TBX15: variants seen among roughly 807,000 people sequenced by gnomAD.
The protein encoded by TBX15 is T-box transcription factor TBX15.
Under a neutral mutation model 53.9 loss-of-function variants are expected in TBX15, and 18 were observed. The observed-to-expected ratio is 0.33, with a 90% CI of 0.23 to 0.49. The LOEUF (loss-of-function observed/expected upper bound fraction) is 0.49. Ranked by LOEUF, TBX15 falls within the 20% of genes least tolerant of loss-of-function variation. The pLI is 0.98. For synonymous variants in TBX15, 295 were observed against 278.0 expected, an observed-to-expected ratio of 1.06 and a Z score of -0.61; for missense variants, 692 against 749.5, an observed-to-expected ratio of 0.92 and a Z score of 0.90.
At chr1:118,943,483 T>C (rs971973261) in intron 1 of TBX15, among the ~76,000 whole-genome samples, 2 of 152,130 alleles carry the variant, frequency 1.3e-5, no homozygotes, top group African/African-American at 4.8e-5. Flanking sequence ...TGGTCCATAA[T>C]GGCTGGCACA....
chr1:118,932,263 C>T (rs1459967325), intron 1 of TBX15, among the ~76,000 whole-genome samples: 1 of 152,190 alleles, frequency 6.6e-6, no homozygotes, highest in Non-Finnish European at 1.5e-5. Context: ...AGATTCAGTG[C>T]AAACATTATG....
chr1:118,964,103 C>T (rs1305144288), intron 1 of TBX15, among the ~76,000 whole-genome samples: 2 of 152,178 alleles, frequency 1.3e-5, no homozygotes, highest in Non-Finnish European at 2.9e-5. Context: ...GAATCAGGAG[C>T]AAATGAAATG....
intron 1 of TBX15, among the ~76,000 whole-genome samples, chr1:118,974,778 G>A (rs1026650192): frequency 6.6e-6 from 1 of 152,094 alleles, no homozygotes. Flanking sequence ...AGAGGTTAAA[G>A]TTAAAACCTC....
intron 1 of TBX15, among the ~76,000 whole-genome samples, chr1:118,960,716 G>A (rs1656844199): frequency 6.6e-6 from 1 of 152,144 alleles, no homozygotes; most frequent in Non-Finnish European, 1.5e-5. Context: ...CAGGATCAGG[G>A]CTTCGTGTTC....
Position 118,964,384 on chromosome 1 carries a change from T to C in TBX15, c.205+23207A>G, listed in dbSNP as rs148206759. Among the ~76,000 whole-genome samples the C allele has an allele frequency of 2.1e-3, 313 of 152,368 alleles. 4 individuals are homozygous for C. The highest frequency in any genetic ancestry group is 7.3e-3 in the African/African-American group (303 of 41,590). ...ACTGACATTAATAGATCACTAATTG[T>C]TGGTGACTTTAATTCTTATGACAAA... On this transcript the variant is annotated intron_variant, in intron 1 of 7. Coordinates refer to ENST00000369429, the MANE Select transcript of TBX15 (RefSeq NM_001330677.2).
At chr1:118,894,974 A>G (rs1654372030) in intron 7 of TBX15, among the ~76,000 whole-genome samples, 1 of 152,110 alleles carries the variant, frequency 6.6e-6, no homozygotes, top group Non-Finnish European at 1.5e-5. Context: ...ATTATTCCTC[A>G]CCTCAGTGAT....
chr1:118,985,123 T>C (rs1657786411), intron 1 of TBX15, among the ~76,000 whole-genome samples: 2 of 152,000 alleles, frequency 1.3e-5, no homozygotes, highest in South Asian at 4.2e-4. Context: ...GTGTGTGTGT[T>C]TCATTCTTCC....
intron 1 of TBX15, among the ~76,000 whole-genome samples, chr1:118,941,689 T>C (rs543003977): frequency 2.6e-5 from 4 of 152,176 alleles, no homozygotes; most frequent in African/African-American, 4.8e-5. Context: ...GGGCACAAAA[T>C]TGAGTAAGAG....
At chr1:118,942,503 T>C (rs1656214659) in intron 1 of TBX15, among the ~76,000 whole-genome samples, 1 of 152,128 alleles carries the variant, frequency 6.6e-6, no homozygotes, top group Admixed American at 6.5e-5. Context: ...AGGAGACAAA[T>C]ATATCCCTAG....
At chr1:118,887,793 C>T (rs1045688281) in intron 7 of TBX15, among the ~76,000 whole-genome samples, 1 of 151,336 alleles carries the variant, frequency 6.6e-6, no homozygotes, top group Non-Finnish European at 1.5e-5. Flanking sequence ...CAAAGAGGAA[C>T]CGAAAGTTAA....
In TBX15 at chr1:118,931,798, G is replaced by C. The variant is rs200704054; in HGVS notation, c.240C>G (p.Val80=). The C allele has an allele frequency of 6.3e-7, 1 of 1,597,240 alleles. No individual in the cohort carries two copies. Among genetic ancestry groups the C allele is most frequent in the Admixed American group, 1.8e-5 (1 of 57,028 alleles). Residue 80 remains valine (V), a synonymous_variant, in exon 2 of 8, where the codon GTC becomes GTG. Coordinates refer to ENST00000369429, the MANE Select transcript of TBX15 (RefSeq NM_001330677.2). ...AGGAGCAGGAAGTCCGCTCAGTGAG[G>C]ACCTCAGAATCTGAACCAGTGCTCT... ...SEQSTGSDSE[V]LTERTSCSFS...
chr1:118,890,166 C>T (rs1376568654), intron 7 of TBX15, among the ~76,000 whole-genome samples: 1 of 152,170 alleles, frequency 6.6e-6, no homozygotes, highest in African/African-American at 2.4e-5. Context: ...CAGGTAGCAG[C>T]TAAGGCCCTA....
chr1:118,943,617 G>A (rs2101640610), intron 1 of TBX15, among the ~76,000 whole-genome samples: 1 of 152,340 alleles, frequency 6.6e-6, no homozygotes, highest in South Asian at 2.1e-4. Context: ...ACCTTGAACA[G>A]AGAAGCAGAG....
At chr1:118,954,467 T>C (rs1460345103) in intron 1 of TBX15, among the ~76,000 whole-genome samples, 1 of 152,210 alleles carries the variant, frequency 6.6e-6, no homozygotes, top group Non-Finnish European at 1.5e-5. Context: ...GAGAGTGGAT[T>C]ACATACAGCA....
At chr1:118,885,547 C>T in intron 7 of TBX15, 31 bp from the exon 8 acceptor site, 1 of 1,553,354 alleles carries the variant, frequency 6.4e-7, no homozygotes, top group African/African-American at 1.4e-5. Context: ...ACTATTGAGA[C>T]AGAGTCTTTT....
chr1:118,917,264 G>A (rs1655269228), intron 5 of TBX15, among the ~76,000 whole-genome samples: 1 of 152,120 alleles, frequency 6.6e-6, no homozygotes, highest in Admixed American at 6.6e-5. Flanking sequence ...TCATGTCCTT[G>A]GAAGGAACAT....
intron 6 of TBX15, among the ~76,000 whole-genome samples, chr1:118,909,619 G>A (rs994504209): frequency 2.6e-5 from 4 of 152,286 alleles, no homozygotes; most frequent in South Asian, 2.1e-4. Context: ...GTCTCGCTCC[G>A]TTGCCCAGGC....
intron 1 of TBX15, among the ~76,000 whole-genome samples, chr1:118,966,032 G>A (rs1657024802): frequency 6.6e-6 from 1 of 152,068 alleles, no homozygotes; most frequent in Admixed American, 6.6e-5. Flanking sequence ...TTCATTTTGG[G>A]CTGTTTGGAT....
At chr1:118,987,446 G>T in intron 1 of TBX15, 145 bp downstream of exon 1, 1 of 1,049,322 alleles carries the variant, frequency 9.5e-7, no homozygotes, top group Non-Finnish European at 1.3e-6. Flanking sequence ...GGGAGGCTCA[G>T]GGCATTTGCG....
Sources: allele counts gnomAD v4.1 joint callset (sites outside exome capture counted in the v4.1 genomes callset), GRCh38; gene constraint gnomAD v4.1.1; transcripts MANE v1.5; gene names NCBI Gene and HGNC (gene_info 2026-07-23, HGNC 2026-07-21).